Variants in CACNA2D3 observed in about 807,000 individuals in gnomAD.
CACNA2D3 encodes voltage-dependent calcium channel subunit alpha-2/delta-3.
In CACNA2D3, 60 loss-of-function variants were observed where a neutral mutation model predicts 160.6. That is an observed-to-expected ratio of 0.37 (90% confidence interval 0.30 to 0.46). The LOEUF is 0.46. CACNA2D3 is among the 20% of genes least tolerant of loss of function. The pLI, the probability that CACNA2D3 is intolerant of heterozygous loss-of-function variation, is 1.00. For synonymous variants in CACNA2D3, 558 were observed against 492.9 expected, an observed-to-expected ratio of 1.13 and a Z score of -1.75; for missense variants, 1,205 against 1,365.0, an observed-to-expected ratio of 0.88 and a Z score of 1.85.
chr3:54,558,347 C>T (rs759289509), intron 5 of CACNA2D3, among the ~76,000 whole-genome samples: 17 of 152,176 alleles, frequency 1.1e-4, no homozygotes, highest in Admixed American at 2.0e-4. Context: ...GTGTGAGTGC[C>T]TTTGGCCATT....
intron 9 of CACNA2D3, among the ~76,000 whole-genome samples, chr3:54,593,262 A>G (rs1702894715): frequency 6.6e-6 from 1 of 152,210 alleles, no homozygotes; most frequent in South Asian, 2.1e-4. Context: ...TTACAAGAAT[A>G]AAGTAGGTTT....
At chr3:54,339,045 G>A (rs190456335) in intron 3 of CACNA2D3, among the ~76,000 whole-genome samples, 1 of 152,294 alleles carries the variant, frequency 6.6e-6, no homozygotes, top group African/African-American at 2.4e-5. Flanking sequence ...AGTTCGGTTC[G>A]TTATTGCAGA....
At chr3:54,849,453 C>T (rs2106780177) in intron 17 of CACNA2D3, among the ~76,000 whole-genome samples, 1 of 152,272 alleles carries the variant, frequency 6.6e-6, no homozygotes, top group Non-Finnish European at 1.5e-5. Context: ...TGAAGGGATC[C>T]TCTAAAACCA....
intron 13 of CACNA2D3, among the ~76,000 whole-genome samples, chr3:54,770,008 G>T (rs1183275369): frequency 2.0e-5 from 3 of 152,128 alleles, no homozygotes; most frequent in Non-Finnish European, 4.4e-5. Flanking sequence ...ACTGAGGAGA[G>T]CCCTTGCTGA....
chr3:54,470,372 A>T (rs962020545), intron 4 of CACNA2D3, among the ~76,000 whole-genome samples: 3 of 152,252 alleles, frequency 2.0e-5, no homozygotes, highest in Non-Finnish European at 4.4e-5. Context: ...TTTACAGAGA[A>T]GCAAATGGTG....
At chr3:54,897,627 T>C (rs914723816) in intron 26 of CACNA2D3, among the ~76,000 whole-genome samples, 1 of 152,196 alleles carries the variant, frequency 6.6e-6, no homozygotes, top group Non-Finnish European at 1.5e-5. Flanking sequence ...GAAAGTTCAA[T>C]CTGTAGTTAT....
intron 4 of CACNA2D3, among the ~76,000 whole-genome samples, chr3:54,449,310 A>G (rs1700269086): frequency 1.3e-5 from 2 of 152,332 alleles, no homozygotes; most frequent in East Asian, 3.9e-4. Context: ...GGCTAAATAC[A>G]GGAATTTATC....
At chr3:54,432,632 G>A (rs375678927) in intron 4 of CACNA2D3, among the ~76,000 whole-genome samples, 9 of 152,070 alleles carry the variant, frequency 5.9e-5, no homozygotes, top group East Asian at 5.8e-4. Flanking sequence ...ATTCTGTTAA[G>A]GTATTATTGA....
intron 35 of CACNA2D3, among the ~76,000 whole-genome samples, chr3:55,032,900 C>T (rs1458981): frequency 0.19 from 22,973 of 123,054 alleles, 2,068 homozygotes; most frequent in Admixed American, 0.36. Flanking sequence ...TTGATTGAGA[C>T]GAGGTTTCCC....
chr3:54,828,268 T>G (rs1333577271), intron 14 of CACNA2D3, among the ~76,000 whole-genome samples: 1 of 152,216 alleles, frequency 6.6e-6, no homozygotes, highest in Non-Finnish European at 1.5e-5. Context: ...CAATTATGTG[T>G]CATGGCTCAT....
chr3:54,680,799 T>G (rs937246187), intron 11 of CACNA2D3, among the ~76,000 whole-genome samples: 1 of 152,194 alleles, frequency 6.6e-6, no homozygotes, highest in African/African-American at 2.4e-5. Flanking sequence ...ATAGCTATGT[T>G]GCTGCATTTT....
intron 4 of CACNA2D3, among the ~76,000 whole-genome samples, chr3:54,417,235 A>G (rs1337313880): frequency 6.6e-6 from 1 of 152,244 alleles, no homozygotes. Flanking sequence ...TCACTTGTTC[A>G]CAGCAAAATA....
chr3:54,807,110 A>T (rs1417595772), intron 13 of CACNA2D3, among the ~76,000 whole-genome samples: 4 of 152,198 alleles, frequency 2.6e-5, no homozygotes, highest in Non-Finnish European at 4.4e-5. Flanking sequence ...CCTAGAAGAA[A>T]ACCTGGGCAT....
chr3:54,644,879 G>T (rs1699604490), intron 11 of CACNA2D3, among the ~76,000 whole-genome samples: 1 of 152,228 alleles, frequency 6.6e-6, no homozygotes, highest in Non-Finnish European at 1.5e-5. Flanking sequence ...TAGATACTCT[G>T]CAGGCTTTGC....
intron 2 of CACNA2D3, among the ~76,000 whole-genome samples, chr3:54,251,884 A>G (rs1030748963): frequency 1.3e-5 from 2 of 152,208 alleles, no homozygotes; most frequent in South Asian, 4.1e-4. Context: ...CAATAGTGTG[A>G]AACTTGAAGA....
intron 13 of CACNA2D3, among the ~76,000 whole-genome samples, chr3:54,808,626 C>A (rs1703198657): frequency 6.6e-6 from 1 of 152,094 alleles, no homozygotes; most frequent in Non-Finnish European, 1.5e-5. Context: ...GGCCTCTTAC[C>A]TAGGGCAAGG....
rs1702748202 is a variant in CACNA2D3, at chr3:54,791,124, C to T, written c.1381-25729C>T. 2.6e-5 allele frequency among the ~76,000 whole-genome samples: 4 copies of T among 152,218 alleles called. No individual in the cohort carries two copies. In the South Asian group the frequency reaches 8.3e-4, roughly 32 times the overall value. Reference sequence around the variant, plus strand: ...CTTTCTCTGAGCTCTGCTCACTCAGCAGAATGCCTCCACATGACAGATGCC... The same window carrying T: ...CTTTCTCTGAGCTCTGCTCACTCAGTAGAATGCCTCCACATGACAGATGCC... On this transcript the variant is annotated intron_variant, in intron 13 of 37. Transcript: ENST00000474759.
intron 31 of CACNA2D3, among the ~76,000 whole-genome samples, chr3:54,989,739 TGA>T (rs1702697581): frequency 6.6e-6 from 1 of 152,236 alleles, no homozygotes. Flanking sequence ...CAATTAGTTG[TGA>T]GCTGCAGCCA....
At chr3:54,610,331 C>G (rs747124732) in intron 9 of CACNA2D3, among the ~76,000 whole-genome samples, 1 of 152,126 alleles carries the variant, frequency 6.6e-6, no homozygotes, top group Non-Finnish European at 1.5e-5. Context: ...TAAAATTTTA[C>G]TTGGTTACTT....
Sources: gnomAD v4.1 joint callset for allele counts (sites outside exome capture counted in the v4.1 genomes callset) on GRCh38, gnomAD v4.1.1 for gene constraint, MANE v1.5 for transcripts, NCBI Gene and HGNC (gene_info 2026-07-23, HGNC 2026-07-21) for gene names.